MARCHF1: variants seen among roughly 807,000 people sequenced by gnomAD.
MARCHF1 encodes the protein membrane associated ring-CH-type finger 1, also known as E3 ubiquitin-protein ligase MARCHF1.
Under a neutral mutation model 54.2 loss-of-function variants are expected in MARCHF1, and 40 were observed. The observed-to-expected ratio is 0.74, with a 90% confidence interval of 0.57 to 0.96. The LOEUF (loss-of-function observed/expected upper bound fraction) is 0.96, where lower values mean the gene tolerates loss of function less well. MARCHF1 is among the 40% of genes least tolerant of loss of function. The pLI is 0.00. For missense variants in MARCHF1, 586 were observed against 656.5 expected (o/e 0.89, Z 1.17); for synonymous variants, 236 against 236.3 (o/e 1.00, Z 0.01).
chr4:163,907,205 T>C (rs1323061240), intron 3 of MARCHF1, among the ~76,000 whole-genome samples: 1 of 152,242 alleles, frequency 6.6e-6, no homozygotes, highest in East Asian at 1.9e-4. Flanking sequence ...ATATAAATTG[T>C]ATCCTATATT....
chr4:163,696,262 A>T (rs1422477290), intron 5 of MARCHF1, among the ~76,000 whole-genome samples: 1 of 152,142 alleles, frequency 6.6e-6, no homozygotes, highest in Non-Finnish European at 1.5e-5. Flanking sequence ...AGGAGATATA[A>T]TTTTTGATGT....
At chr4:163,916,807 T>C (rs1560818396) in intron 3 of MARCHF1, among the ~76,000 whole-genome samples, 1 of 151,872 alleles carries the variant, frequency 6.6e-6, no homozygotes, top group Non-Finnish European at 1.5e-5. Flanking sequence ...CACACAAGAG[T>C]GCTACATCAA....
chr4:163,847,006 A>G (rs1011284799), intron 4 of MARCHF1, among the ~76,000 whole-genome samples: 1 of 152,176 alleles, frequency 6.6e-6, no homozygotes, highest in Non-Finnish European at 1.5e-5. Flanking sequence ...GGGATTCTAG[A>G]AGAAAAAAAA....
At chr4:163,842,737 T>C (rs1374014283) in intron 4 of MARCHF1, among the ~76,000 whole-genome samples, 3 of 152,188 alleles carry the variant, frequency 2.0e-5, no homozygotes, top group African/African-American at 2.4e-5. Context: ...ACCCTGTGTT[T>C]TGTAAAGTGA....
intron 4 of MARCHF1, among the ~76,000 whole-genome samples, chr4:163,752,428 C>A (rs1022210478): frequency 3.3e-5 from 5 of 152,186 alleles, no homozygotes; most frequent in African/African-American, 1.2e-4. Context: ...CACATAGATT[C>A]TGAAGCCAGC....
At chr4:163,632,757 G>GGCCT (rs1257356621) in intron 5 of MARCHF1, among the ~76,000 whole-genome samples, 2 of 152,256 alleles carry the variant, frequency 1.3e-5, no homozygotes, top group Non-Finnish European at 2.9e-5. Flanking sequence ...AGCTCAAGGA[G>GGCCT]GCCTGCCTGC....
intron 2 of MARCHF1, among the ~76,000 whole-genome samples, chr4:164,057,935 T>C (rs1391297770): frequency 6.6e-6 from 1 of 152,112 alleles, no homozygotes; most frequent in African/African-American, 2.4e-5. Context: ...TGGAATACTA[T>C]GTAGCCATAA....
intron 4 of MARCHF1, among the ~76,000 whole-genome samples, chr4:163,764,447 A>G (rs1295548195): frequency 2.0e-5 from 3 of 152,108 alleles, no homozygotes; most frequent in Non-Finnish European, 2.9e-5. Context: ...AAAATGTGTA[A>G]GGTTGCTAGA....
chr4:163,656,092 C>A (rs1219898223), intron 5 of MARCHF1, among the ~76,000 whole-genome samples: 2 of 147,058 alleles, frequency 1.4e-5, no homozygotes, highest in South Asian at 2.1e-4. Context: ...CACAAAAAAC[C>A]TTTCAAAAAA....
chr4:163,649,522 A>G (rs75905466), intron 5 of MARCHF1, among the ~76,000 whole-genome samples: 2 of 152,152 alleles, frequency 1.3e-5, no homozygotes, highest in East Asian at 3.9e-4. Flanking sequence ...TAGCATCCGC[A>G]ATGTAGACTC....
intron 1 of MARCHF1, among the ~76,000 whole-genome samples, chr4:164,296,664 C>G (rs1269999097): frequency 6.6e-6 from 1 of 152,186 alleles, no homozygotes; most frequent in Non-Finnish European, 1.5e-5. Context: ...GCCACCATGT[C>G]TGGCCCAAAC....
intron 4 of MARCHF1, among the ~76,000 whole-genome samples, chr4:163,805,215 T>A (rs1182116991): frequency 6.6e-6 from 1 of 152,166 alleles, no homozygotes; most frequent in Non-Finnish European, 1.5e-5. Flanking sequence ...GTAAATCTTT[T>A]CACATATCAT....
chr4:164,362,871 T>G (rs1730764082), intron 1 of MARCHF1, among the ~76,000 whole-genome samples: 1 of 152,118 alleles, frequency 6.6e-6, no homozygotes, highest in Admixed American at 6.6e-5. Context: ...TAAACTGCCT[T>G]ATTTGTCTTT....
intron 3 of MARCHF1, among the ~76,000 whole-genome samples, chr4:163,979,019 C>CTTT (rs60452636): frequency 0.017 from 2,228 of 129,038 alleles, 67 homozygotes; most frequent in African/African-American, 0.059. Context: ...CCCTTTAATT[C>CTTT]TTTTTTTTTT....
chr4:164,027,935 C>T (rs1753804370), intron 2 of MARCHF1, among the ~76,000 whole-genome samples: 1 of 152,018 alleles, frequency 6.6e-6, no homozygotes, highest in South Asian at 2.1e-4. Context: ...ACTAAACAAA[C>T]ACTTCTCAAA....
intron 3 of MARCHF1, among the ~76,000 whole-genome samples, chr4:163,919,393 C>T (rs545985314): frequency 6.6e-6 from 1 of 151,754 alleles, no homozygotes; most frequent in Non-Finnish European, 1.5e-5. Context: ...AAATGGAACA[C>T]TTGAAATATT....
intron 3 of MARCHF1, among the ~76,000 whole-genome samples, chr4:163,861,925 G>A (rs1749945840): frequency 6.6e-6 from 1 of 152,068 alleles, no homozygotes; most frequent in Non-Finnish European, 1.5e-5. Context: ...CATGAATAGA[G>A]TCAACTCATC....
intron 1 of MARCHF1, among the ~76,000 whole-genome samples, chr4:164,372,267 A>T (rs537171315): frequency 2.6e-5 from 4 of 152,324 alleles, no homozygotes; most frequent in African/African-American, 9.6e-5. Flanking sequence ...GGGTCTACAT[A>T]CAAAAACTCT....
intron 1 of MARCHF1, among the ~76,000 whole-genome samples, chr4:164,251,337 G>A (rs1354510143): frequency 1.3e-5 from 2 of 152,082 alleles, no homozygotes; most frequent in Non-Finnish European, 2.9e-5. Flanking sequence ...TATTTCACGA[G>A]ACGGTAAGTA....
Sources: allele counts gnomAD v4.1 joint callset (sites outside exome capture counted in the v4.1 genomes callset), GRCh38; gene constraint gnomAD v4.1.1; transcripts MANE v1.5; gene names NCBI Gene and HGNC (gene_info 2026-07-23, HGNC 2026-07-21).